CRPPA: variants seen among roughly 807,000 people sequenced by gnomAD.
CRPPA encodes the protein CDP-L-ribitol pyrophosphorylase A, also known as D-ribitol-5-phosphate cytidylyltransferase.
Under a neutral mutation model 52.0 loss-of-function variants are expected in CRPPA, and 43 were observed. That is an observed-to-expected ratio of 0.83 (90% CI 0.65 to 1.07). CRPPA has a LOEUF of 1.07. Ranked by LOEUF, CRPPA falls within the 50% of genes least tolerant of loss-of-function variation. The pLI, the probability that CRPPA is intolerant of heterozygous loss-of-function variation, is 0.00. For missense variants in CRPPA, 629 were observed against 551.7 expected (o/e 1.14, Z -1.40); for synonymous variants, 250 against 203.5 (o/e 1.23, Z -1.94).
rs1165185241 is a variant in CRPPA, at chr7:16,127,652, ACC to A, written c.1252-35855_1252-35854del. ...TCACAATAGCCAAAACAAAACAAAA[ACC>A]CATAAAATAGTCATAATGAAGTATG... On this transcript the variant is annotated intron_variant, in intron 9 of 9. Transcript: ENST00000407010. Among the ~76,000 whole-genome samples the A allele has an allele frequency of 2.0e-5, 3 of 152,234 alleles. No homozygotes were observed. In the East Asian group the frequency reaches 5.8e-4, roughly 29 times the overall value.
chr7:16,160,581 T>C (rs1030112088), intron 9 of CRPPA, among the ~76,000 whole-genome samples: 1 of 152,220 alleles, frequency 6.6e-6, no homozygotes, highest in Non-Finnish European at 1.5e-5. Context: ...GTAGTATAGA[T>C]TGAAGTCAGG....
In CRPPA at chr7:16,397,782, C is replaced by T. The variant is rs530447103; in HGVS notation, c.534+8279G>A. Among the ~76,000 whole-genome samples the T allele has an allele frequency of 6.6e-4, 100 of 152,318 alleles. 1 individual carries two copies. The East Asian group carries it at 0.019, about 28-fold the overall frequency. ...GCACGTGATTGGCACGTGACCAACA[C>T]GTCACTGACATGATTGGCACGTGTT... On this transcript the variant is annotated intron_variant, in intron 2 of 9. Coordinates refer to ENST00000407010, the MANE Select transcript of CRPPA (RefSeq NM_001101426.4).
intron 8 of CRPPA, among the ~76,000 whole-genome samples, chr7:16,217,251 T>C (rs1213760423): frequency 6.7e-6 from 1 of 148,276 alleles, no homozygotes; most frequent in Non-Finnish European, 1.5e-5. Flanking sequence ...GAAGGAAAAC[T>C]AACAAACAGA....
intron 3 of CRPPA, among the ~76,000 whole-genome samples, chr7:16,360,789 A>G (rs1189025378): frequency 1.3e-5 from 2 of 152,206 alleles, no homozygotes; most frequent in Admixed American, 1.3e-4. Flanking sequence ...AGAAGACAAC[A>G]TTGGGGCAAA....
intron 3 of CRPPA, among the ~76,000 whole-genome samples, chr7:16,313,136 A>T (rs1785068762): frequency 6.6e-6 from 1 of 152,014 alleles, no homozygotes; most frequent in Non-Finnish European, 1.5e-5. Flanking sequence ...GAAAAACTAT[A>T]GAGTTAGTAT....
intron 9 of CRPPA, among the ~76,000 whole-genome samples, chr7:16,170,315 G>C: frequency 6.6e-6 from 1 of 152,192 alleles, no homozygotes; most frequent in East Asian, 1.9e-4. Context: ...TTCAGAATTG[G>C]TGGGCTCTTG....
chr7:16,286,072 TA>T (rs1784435622), intron 5 of CRPPA, among the ~76,000 whole-genome samples: 2 of 20,600 alleles, frequency 9.7e-5, no homozygotes, highest in Admixed American at 6.7e-4. Flanking sequence ...TATATATATA[TA>T]TATATATAAT....
chr7:16,393,034 C>G (rs2128315156), intron 2 of CRPPA, among the ~76,000 whole-genome samples: 1 of 152,202 alleles, frequency 6.6e-6, no homozygotes, highest in South Asian at 2.1e-4. Context: ...TGTCAAGGAT[C>G]TTAAAGTCTC....
At chr7:16,247,886 T>C (rs1783322852) in intron 8 of CRPPA, 1 of 152,104 alleles carries the variant, frequency 6.6e-6, no homozygotes, top group Admixed American at 6.6e-5. Flanking sequence ...TTCTCTTAGC[T>C]TGGTACAGGA....
In CRPPA at chr7:16,360,921, T is replaced by TA. The variant is rs551732497; in HGVS notation, c.684+15170dup. On this transcript the variant is annotated intron_variant, in intron 3 of 9. Coordinates refer to ENST00000407010, the MANE Select transcript of CRPPA (RefSeq NM_001101426.4). ...TTCTGTGCATCAGAAGATGTATCAATAAAAAAAGCAATCTCTGGAATAGAA... is the reference window on the plus strand; with the variant it reads ...TTCTGTGCATCAGAAGATGTATCAATAAAAAAAAGCAATCTCTGGAATAGAA... Among the ~76,000 whole-genome samples the TA allele has an allele frequency of 5.1e-3, 779 of 151,908 alleles. 6 individuals are homozygous for TA. Among genetic ancestry groups the TA allele is most frequent in the African/African-American group, 0.017 (713 of 41,432 alleles).
At chr7:16,195,743 C>A in intron 9 of CRPPA, among the ~76,000 whole-genome samples, 1 of 152,268 alleles carries the variant, frequency 6.6e-6, no homozygotes, top group Non-Finnish European at 1.5e-5. Flanking sequence ...TGCCCTCTCA[C>A]CCCTGCACTT....
At chr7:16,384,192 G>A (rs900543303) in intron 2 of CRPPA, among the ~76,000 whole-genome samples, 1 of 152,140 alleles carries the variant, frequency 6.6e-6, no homozygotes, top group African/African-American at 2.4e-5. Context: ...GGTTGATGTG[G>A]TGATTTTTCA....
intron 9 of CRPPA, among the ~76,000 whole-genome samples, chr7:16,132,076 C>A (rs2128373150): frequency 6.6e-6 from 1 of 152,252 alleles, no homozygotes. Flanking sequence ...CCTTGGGGAA[C>A]CACCTCCTGC....
intron 2 of CRPPA, among the ~76,000 whole-genome samples, chr7:16,377,696 T>C (rs1786932418): frequency 6.6e-6 from 1 of 152,230 alleles, no homozygotes; most frequent in Admixed American, 6.5e-5. Context: ...TTTCTTCTTC[T>C]ATACTCCAGC....
intron 3 of CRPPA, among the ~76,000 whole-genome samples, chr7:16,309,406 G>C (rs368634851): frequency 3.9e-5 from 6 of 152,286 alleles, no homozygotes; most frequent in South Asian, 2.1e-4. Context: ...AACAGAACCT[G>C]ATAGATGCAG....
intron 9 of CRPPA, among the ~76,000 whole-genome samples, chr7:16,138,285 T>G (rs117706742): frequency 1.3e-5 from 2 of 152,160 alleles, no homozygotes; most frequent in African/African-American, 4.8e-5. Flanking sequence ...TTATCTACAA[T>G]GCCTCAAGAA....
chr7:16,377,974 T>A (rs2128312428), intron 2 of CRPPA, among the ~76,000 whole-genome samples: 1 of 152,156 alleles, frequency 6.6e-6, no homozygotes, highest in South Asian at 2.1e-4. Flanking sequence ...CCAGGGGAAA[T>A]AAAAGACCAG....
chr7:16,236,068 T>G (rs138109767), intron 8 of CRPPA: 69 of 152,246 alleles, frequency 4.5e-4, no homozygotes, highest in African/African-American at 1.5e-3. Context: ...CTGGAAATTA[T>G]AAATGTATTT....
intron 3 of CRPPA, among the ~76,000 whole-genome samples, chr7:16,341,573 G>A (rs1028761750): frequency 6.6e-6 from 1 of 152,078 alleles, no homozygotes; most frequent in African/African-American, 2.4e-5. Flanking sequence ...TATTTTTTCA[G>A]TGTGTTACCA....
Sources: gnomAD v4.1 joint callset for allele counts (sites outside exome capture counted in the v4.1 genomes callset) on GRCh38, gnomAD v4.1.1 for gene constraint, MANE v1.5 for transcripts, NCBI Gene and HGNC (gene_info 2026-07-23, HGNC 2026-07-21) for gene names.